The following BLTP1 variants were observed in gnomAD, a reference collection of about 807,000 sequenced individuals.
BLTP1 encodes the protein bridge-like lipid transfer protein family member 1, also known as fragile site-associated protein.
the BLTP1 span, chr4:122,356,847 T>C: frequency 6.6e-7 from 1 of 1,508,652 alleles, no homozygotes; most frequent in African/African-American, 1.4e-5. Context: ...AGAAAATGAG[T>C]GGAATATATC....
the BLTP1 span, chr4:122,328,461 G>C: frequency 6.7e-6 from 7 of 1,051,080 alleles, no homozygotes; most frequent in Middle Eastern, 9.9e-4. Flanking sequence ...TTTTTAATGT[G>C]CCTCGCTTGA....
chr4:122,156,412 C>CA, the BLTP1 span, among the ~76,000 whole-genome samples: 1 of 152,082 alleles, frequency 6.6e-6, no homozygotes, highest in Non-Finnish European at 1.5e-5. Flanking sequence ...GTAAGAGAGT[C>CA]ACAAAAGTCA....
chr4:122,362,232 CAAA>C, the BLTP1 span: 83 of 1,611,868 alleles, frequency 5.1e-5, no homozygotes, highest in Middle Eastern at 1.6e-4. Context: ...AAGGCAAAGA[CAAA>C]GAAGAACACT....
the BLTP1 span, chr4:122,221,828 A>G: frequency 3.7e-5 from 36 of 984,278 alleles, no homozygotes; most frequent in Non-Finnish European, 4.0e-5. Flanking sequence ...TCTTCTATGG[A>G]TGAGTTCTGA....
the BLTP1 span, chr4:122,223,051 C>G: frequency 1.2e-6 from 1 of 818,770 alleles, no homozygotes; most frequent in Non-Finnish European, 1.5e-6. Flanking sequence ...CTTGACCACT[C>G]TCCCCAGTTC....
chr4:122,243,605 T>C, the BLTP1 span: 57 of 345,936 alleles, frequency 1.6e-4, no homozygotes, highest in Non-Finnish European at 2.3e-4. Flanking sequence ...ACAAAAAAAT[T>C]AGGCATAGTG....
At chr4:122,264,295 C>G in the BLTP1 span, 1 of 1,609,764 alleles carries the variant, frequency 6.2e-7, no homozygotes, top group Non-Finnish European at 8.5e-7. Flanking sequence ...CCTCAGATTT[C>G]AACACTGTCT....
the BLTP1 span, chr4:122,198,481 A>T: frequency 1.0e-6 from 1 of 961,410 alleles, no homozygotes; most frequent in African/African-American, 1.8e-5. Context: ...GCCTTTTCAC[A>T]ACTGATGATA....
At chr4:122,168,281 G>A in the BLTP1 span, among the ~76,000 whole-genome samples, 2 of 152,076 alleles carry the variant, frequency 1.3e-5, no homozygotes, top group Non-Finnish European at 2.9e-5. Context: ...TGTTACTGTG[G>A]TAGGTCATGA....
At chr4:122,172,500 A>G in the BLTP1 span, 1 of 217,498 alleles carries the variant, frequency 4.6e-6, no homozygotes, top group African/African-American at 2.3e-5. Flanking sequence ...TGTCTTACCC[A>G]TCACAGCAAA....
At chr4:122,201,563 G>A in the BLTP1 span, among the ~76,000 whole-genome samples, 1,924 of 152,228 alleles carry the variant, frequency 0.013, 15 homozygotes, top group Non-Finnish European at 0.021. Flanking sequence ...TGTTGGCATG[G>A]ATAATTGAGT....
chr4:122,265,670 C>T, the BLTP1 span, among the ~76,000 whole-genome samples: 1 of 152,168 alleles, frequency 6.6e-6, no homozygotes, highest in South Asian at 2.1e-4. Flanking sequence ...GTGTAAATGG[C>T]ACTTGTCCAT....
chr4:122,340,256 A>G, the BLTP1 span, among the ~76,000 whole-genome samples: 1 of 152,124 alleles, frequency 6.6e-6, no homozygotes, highest in Non-Finnish European at 1.5e-5. Flanking sequence ...TCCACTCCCA[A>G]ATAATTATCT....
chr4:122,331,592 C>G, the BLTP1 span: 1 of 1,555,198 alleles, frequency 6.4e-7, no homozygotes, highest in Non-Finnish European at 8.7e-7. Flanking sequence ...ATTAGAAATA[C>G]TATTCATATA....
At chr4:122,356,717 A>T in the BLTP1 span, 1 of 1,613,454 alleles carries the variant, frequency 6.2e-7, no homozygotes, top group South Asian at 1.1e-5. Context: ...ATGTTTCTTC[A>T]TGATTTAGTA....
the BLTP1 span, chr4:122,229,651 A>G: frequency 1.4e-5 from 12 of 876,636 alleles, no homozygotes; most frequent in East Asian, 2.4e-4. Context: ...TTAAGTTTCT[A>G]CTATTTCATT....
chr4:122,257,491 T>C, the BLTP1 span: 24 of 1,613,926 alleles, frequency 1.5e-5, no homozygotes, highest in East Asian at 2.2e-5. Flanking sequence ...TTGAGTTCGA[T>C]GCAGGTAGTT....
the BLTP1 span, among the ~76,000 whole-genome samples, chr4:122,280,491 C>G: frequency 6.6e-6 from 1 of 151,798 alleles, no homozygotes; most frequent in East Asian, 1.9e-4. Flanking sequence ...AGCCTTATTC[C>G]TGGTCTCCAA....
At chr4:122,243,186 C>T in the BLTP1 span, 23 of 1,049,342 alleles carry the variant, frequency 2.2e-5, 1 homozygote, top group Non-Finnish European at 2.8e-5. Flanking sequence ...AATAAATTAC[C>T]AAAATAATTC....
Sources: gnomAD v4.1 joint callset for allele counts (sites outside exome capture counted in the v4.1 genomes callset) on GRCh38, gnomAD v4.1.1 for gene constraint, MANE v1.5 for transcripts, NCBI Gene and HGNC (gene_info 2026-07-23, HGNC 2026-07-21) for gene names.